The following CRISPLD2 variants were observed in gnomAD, a reference collection of about 807,000 sequenced individuals.
The protein encoded by CRISPLD2 is cysteine-rich secretory protein LCCL domain-containing 2.
CRISPLD2 carries 47 observed loss-of-function variants against 71.1 expected under a neutral mutation model. The ratio of observed to expected loss-of-function variants is 0.66; its 90% CI spans 0.52 to 0.84. CRISPLD2 has a LOEUF of 0.84. Ranked by LOEUF, CRISPLD2 falls within the 40% of genes least tolerant of loss-of-function variation. The pLI is 0.00. For missense variants in CRISPLD2, 830 were observed against 651.1 expected (o/e 1.27, Z -2.99); for synonymous variants, 317 against 250.1 (o/e 1.27, Z -2.52).
chr16:84,826,593 C>T (rs894249809), intron 1 of CRISPLD2, among the ~76,000 whole-genome samples: 1 of 151,828 alleles, frequency 6.6e-6, no homozygotes, highest in Non-Finnish European at 1.5e-5. Flanking sequence ...ACAGCCAGTC[C>T]GTTCGCCCCG....
intron 1 of CRISPLD2, among the ~76,000 whole-genome samples, chr16:84,824,966 T>C (rs1254329245): frequency 6.6e-6 from 1 of 151,948 alleles, no homozygotes; most frequent in Admixed American, 6.6e-5. Context: ...TAGCCGGGCG[T>C]GGTGGCAGGC....
Position 84,834,856 on chromosome 16 carries a change from A to G in CRISPLD2, c.-74-3566A>G, listed in dbSNP as rs139133383. On this transcript the variant is annotated intron_variant, in intron 1 of 14. Coordinates refer to ENST00000262424, the MANE Select transcript of CRISPLD2 (RefSeq NM_031476.4). ...GGTCCTAAACTCTTCTAGTAAGGAC[A>G]CCAGTCAGCTTGGTTAGGGCCCAAC... Among the ~76,000 whole-genome samples, 254 of 152,150 alleles carry G rather than the reference A, an allele frequency of 1.7e-3. 1 individual carries two copies. The highest frequency in any genetic ancestry group is 6.0e-3 in the African/African-American group (248 of 41,516).
Position 84,859,078 on chromosome 16 carries a change from G to C in CRISPLD2, c.709+4249G>C, listed in dbSNP as rs112920232. ...CCTCCAGGGATGCGATATTGTTTTT[G>C]ATTTACTATTTTTCTAGGTAGGGGC... On this transcript the variant is annotated intron_variant, in intron 6 of 14. Coordinates refer to ENST00000262424, the MANE Select transcript of CRISPLD2 (RefSeq NM_031476.4). Among the ~76,000 whole-genome samples the C allele has an allele frequency of 2.9e-3, 446 of 152,306 alleles. 4 individuals carry two copies. Among genetic ancestry groups the C allele is most frequent in the African/African-American group, 0.01 (424 of 41,564 alleles).
At chr16:84,869,568 T>G (rs1043790259) in intron 8 of CRISPLD2, among the ~76,000 whole-genome samples, 1 of 152,226 alleles carries the variant, frequency 6.6e-6, no homozygotes, top group African/African-American at 2.4e-5. Context: ...GCAGCCGGGA[T>G]GAGGCGGCTC....
At chr16:84,883,842 AT>A (rs11371326) in intron 13 of CRISPLD2, among the ~76,000 whole-genome samples, 644 of 133,114 alleles carry the variant, frequency 4.8e-3, no homozygotes, top group South Asian at 9.9e-3. Flanking sequence ...GTCTTATTTA[AT>A]TTTTTTTTTT....
intron 14 of CRISPLD2, 30 bp downstream of exon 14, chr16:84,889,393 C>A: frequency 6.3e-7 from 1 of 1,584,566 alleles, no homozygotes; most frequent in African/African-American, 1.3e-5. Context: ...CCCTTGACAC[C>A]CAATCCCGGC....
intron 14 of CRISPLD2, among the ~76,000 whole-genome samples, chr16:84,897,471 C>T (rs1305050440): frequency 2.0e-5 from 3 of 152,028 alleles, no homozygotes; most frequent in Non-Finnish European, 4.4e-5. Flanking sequence ...ACTAGAGAAA[C>T]CTCAACAATA....
intron 14 of CRISPLD2, among the ~76,000 whole-genome samples, chr16:84,896,361 C>T (rs1305335890): frequency 1.3e-5 from 2 of 151,658 alleles, no homozygotes; most frequent in African/African-American, 4.8e-5. Flanking sequence ...GATTGGAATC[C>T]TTTAAAAAAA....
chr16:84,854,954 C>T (rs973360550), intron 6 of CRISPLD2, 125 bp downstream of exon 6: 4 of 737,838 alleles, frequency 5.4e-6, no homozygotes. Flanking sequence ...TTAAGACGCT[C>T]TCAGCACATT....
rs139183950 is a variant in CRISPLD2 at position 84,864,752 on chromosome 16, C to T, written c.710-2145C>T. On this transcript the variant is annotated intron_variant, in intron 6 of 14. Coordinates refer to ENST00000262424, the MANE Select transcript of CRISPLD2 (RefSeq NM_031476.4). ...GTGCCAGGTGTGAGGCAGGCTGGCC[C>T]CTGGCCTCTGGAGGTTCGCAGCTGG... 5.7e-3 allele frequency among the ~76,000 whole-genome samples: 863 copies of T among 152,284 alleles called. 13 individuals are homozygous for T. The highest frequency in any genetic ancestry group is 0.02 in the African/African-American group (836 of 41,546).
At chr16:84,864,731 C>T (rs1413826456) in intron 6 of CRISPLD2, among the ~76,000 whole-genome samples, 1 of 152,192 alleles carries the variant, frequency 6.6e-6, no homozygotes, top group Non-Finnish European at 1.5e-5. Flanking sequence ...TGCTGGGTGC[C>T]AGGTGTGAGG....
chr16:84,888,291 T>C (rs2071630480), intron 13 of CRISPLD2, among the ~76,000 whole-genome samples: 1 of 152,230 alleles, frequency 6.6e-6, no homozygotes, highest in Non-Finnish European at 1.5e-5. Context: ...CCCAGCACTT[T>C]GAGAGGCCAA....
chr16:84,867,005 C>G lies in CRISPLD2; in HGVS notation c.818C>G (p.Thr273Ser), dbSNP rs778748348. 18 of 1,613,944 alleles carry G rather than the reference C, an allele frequency of 1.1e-5. 1 individual carries two copies. The African/African-American group carries it at 1.3e-4, about 12-fold the overall frequency. Residue 273 changes from threonine to serine, a missense_variant, in exon 7 of 15, where the codon ACC becomes AGC. Transcript: ENST00000262424. ...CTCCAACCGAGGGTGATGAGACCCA[C>G]CAAGCCCAAGAAAACCTCTGCGGTC... ...VWLQPRVMRP[T>S]KPKKTSAVNY... is the part of the protein sequence containing the mutation.
At chr16:84,870,275 TC>T (rs11287263) in intron 8 of CRISPLD2, among the ~76,000 whole-genome samples, 58,215 of 151,822 alleles carry the variant, frequency 0.38, 11,720 homozygotes, top group East Asian at 0.64. Flanking sequence ...TTCCTTCCAG[TC>T]TTTTTTTCTG....
intron 1 of CRISPLD2, among the ~76,000 whole-genome samples, chr16:84,830,520 A>G (rs1411866284): frequency 1.3e-5 from 2 of 152,050 alleles, no homozygotes. Flanking sequence ...CCTGACCAAT[A>G]TGGGAAACCC....
In CRISPLD2 at chr16:84,890,866, C is replaced by T. The variant is rs978589726; in HGVS notation, c.1439+1503C>T. Among the ~76,000 whole-genome samples the T allele has an allele frequency of 2.9e-4, 44 of 152,150 alleles. 1 individual carries two copies. Among genetic ancestry groups the T allele is most frequent in the African/African-American group, 1.0e-3 (42 of 41,444 alleles). On this transcript the variant is annotated intron_variant, in intron 14 of 14. Coordinates refer to ENST00000262424, the MANE Select transcript of CRISPLD2 (RefSeq NM_031476.4). ...CCTAAGTGGGGCCTTTCCTGAGTGTCATTCAGAAAGGGCACTCAGCCTCCC... is the reference window on the plus strand; with the variant it reads ...CCTAAGTGGGGCCTTTCCTGAGTGTTATTCAGAAAGGGCACTCAGCCTCCC...
At chr16:84,820,399 T>G (rs1916204920) in intron 1 of CRISPLD2, among the ~76,000 whole-genome samples, 1 of 152,244 alleles carries the variant, frequency 6.6e-6, no homozygotes, top group Non-Finnish European at 1.5e-5. Flanking sequence ...CGCAGAATCC[T>G]GCTCCTTAGA....
At chr16:84,868,982 C>T (rs915510587) in intron 8 of CRISPLD2, 71 bp downstream of exon 8, 3 of 1,354,432 alleles carry the variant, frequency 2.2e-6, no homozygotes, top group East Asian at 2.5e-5. Flanking sequence ...CCACTGTGGC[C>T]TCTGGGCCTA....
intron 1 of CRISPLD2, among the ~76,000 whole-genome samples, chr16:84,822,591 T>G (rs1299314194): frequency 6.6e-6 from 1 of 152,196 alleles, no homozygotes; most frequent in Non-Finnish European, 1.5e-5. Context: ...TGGTTTTTGA[T>G]CAGTCCCAGA....
Sources: gnomAD v4.1 joint callset for allele counts (sites outside exome capture counted in the v4.1 genomes callset) on GRCh38, gnomAD v4.1.1 for gene constraint, MANE v1.5 for transcripts, NCBI Gene and HGNC (gene_info 2026-07-23, HGNC 2026-07-21) for gene names.